The following NRXN1 variants were observed in gnomAD, a reference collection of about 807,000 sequenced individuals.
NRXN1 encodes neurexin 1, also known as neurexin-1.
Under a neutral mutation model 150.9 loss-of-function variants are expected in NRXN1, and 39 were observed. The observed-to-expected ratio is 0.26, with a 90% CI of 0.20 to 0.34. The LOEUF is 0.34. Ranked by LOEUF, NRXN1 falls within the 10% of genes least tolerant of loss-of-function variation. The pLI is 1.00. For synonymous variants in NRXN1, 924 were observed against 757.0 expected (o/e 1.22, Z -3.62); for missense variants, 1,815 against 1,949.9 (o/e 0.93, Z 1.30).
chr2:50,455,413 C>T (rs1368971546), intron 17 of NRXN1, among the ~76,000 whole-genome samples: 1 of 152,118 alleles, frequency 6.6e-6, no homozygotes, highest in Non-Finnish European at 1.5e-5. Flanking sequence ...TCATACTGCA[C>T]TCTATAGATC....
At chr2:50,792,947 C>T (rs1706265306) in intron 5 of NRXN1, among the ~76,000 whole-genome samples, 1 of 152,022 alleles carries the variant, frequency 6.6e-6, no homozygotes, top group Non-Finnish European at 1.5e-5. Context: ...GTTCTAATGT[C>T]AGTTCTTTTT....
intron 5 of NRXN1, among the ~76,000 whole-genome samples, chr2:50,652,603 A>C (rs1685804698): frequency 6.6e-6 from 1 of 152,060 alleles, no homozygotes; most frequent in African/African-American, 2.4e-5. Context: ...GTTGATGCAC[A>C]TCTGTGCTAT....
intron 19 of NRXN1, among the ~76,000 whole-genome samples, chr2:50,090,405 C>T (rs532857793): frequency 6.6e-6 from 1 of 151,852 alleles, no homozygotes; most frequent in East Asian, 1.9e-4. Flanking sequence ...TTTCTTTATA[C>T]TGTGTTATAA....
chr2:50,671,450 T>C (rs1688832688), intron 5 of NRXN1, among the ~76,000 whole-genome samples: 4 of 151,712 alleles, frequency 2.6e-5, no homozygotes, highest in Admixed American at 2.6e-4. Flanking sequence ...TTATTTTATA[T>C]TATCAATATC....
intron 8 of NRXN1, chr2:50,615,610 G>T (rs1376658755): frequency 6.6e-6 from 1 of 152,068 alleles, no homozygotes. Context: ...AAAATATTGG[G>T]ATAGAAACAC....
chr2:50,116,508 G>A (rs1295124013), intron 18 of NRXN1, among the ~76,000 whole-genome samples: 2 of 152,060 alleles, frequency 1.3e-5, no homozygotes, highest in African/African-American at 4.8e-5. Flanking sequence ...CTCTGGAAAT[G>A]TCGATGGGGT....
intron 2 of NRXN1, among the ~76,000 whole-genome samples, chr2:50,937,062 T>C (rs1415253188): frequency 5.3e-5 from 8 of 152,128 alleles, no homozygotes; most frequent in South Asian, 4.1e-4. Context: ...AAATCTAATA[T>C]ACTTTTTCTA....
At chr2:50,108,903 G>A (rs960397240) in intron 18 of NRXN1, among the ~76,000 whole-genome samples, 1 of 152,060 alleles carries the variant, frequency 6.6e-6, no homozygotes, top group South Asian at 2.1e-4. Context: ...GCTGTAAACC[G>A]AAACCACACT....
chr2:50,083,053 C>T (rs998473297), intron 19 of NRXN1, among the ~76,000 whole-genome samples: 3 of 152,178 alleles, frequency 2.0e-5, no homozygotes, highest in Non-Finnish European at 4.4e-5. Flanking sequence ...TCAGAATTGC[C>T]TGGACAATTA....
At chr2:50,594,072 G>A (rs1004123956) in intron 8 of NRXN1, among the ~76,000 whole-genome samples, 3 of 152,016 alleles carry the variant, frequency 2.0e-5, no homozygotes, top group Admixed American at 6.6e-5. Context: ...TATTTGCTTC[G>A]CCTTCCACCA....
intron 8 of NRXN1, among the ~76,000 whole-genome samples, chr2:50,590,307 A>C (rs765762155): frequency 3.3e-5 from 5 of 152,188 alleles, no homozygotes; most frequent in Non-Finnish European, 5.9e-5. Flanking sequence ...TACAATATAT[A>C]TATACATATA....
At chr2:50,493,925 C>G (rs1207487456) in intron 15 of NRXN1, among the ~76,000 whole-genome samples, 2 of 152,118 alleles carry the variant, frequency 1.3e-5, no homozygotes, top group Non-Finnish European at 2.9e-5. Flanking sequence ...TTCATACTTA[C>G]AGTGTTTTTT....
chr2:50,827,751 G>T (rs1038375826), intron 5 of NRXN1, among the ~76,000 whole-genome samples: 5 of 151,424 alleles, frequency 3.3e-5, no homozygotes, highest in African/African-American at 1.2e-4. Context: ...AGGACCCTGC[G>T]GCCTTCCGCA....
chr2:51,006,043 C>T lies in NRXN1; in HGVS notation c.772+21459G>A, dbSNP rs955857583. On this transcript the variant is annotated intron_variant, in intron 2 of 22. Coordinates refer to ENST00000401669, the MANE Select transcript of NRXN1 (RefSeq NM_001330078.2). ...TCAAAAGCTGTAAAAAGAGACAAAT[C>T]TACATTTTTTCTTGGATTTCTCGGT... Among the ~76,000 whole-genome samples, 4 of 151,504 alleles carry T rather than the reference C, an allele frequency of 2.6e-5. No individual in the cohort carries two copies. In the Admixed American group the frequency reaches 2.6e-4, roughly 10 times the overall value.
intron 21 of NRXN1, among the ~76,000 whole-genome samples, chr2:50,036,094 C>G (rs1377326092): frequency 6.6e-6 from 1 of 152,106 alleles, no homozygotes; most frequent in Non-Finnish European, 1.5e-5. Context: ...GGTTGTGTCC[C>G]TACCCAAAAT....
At chr2:50,315,232 T>C (rs1195344096) in intron 17 of NRXN1, among the ~76,000 whole-genome samples, 2 of 152,066 alleles carry the variant, frequency 1.3e-5, no homozygotes, top group African/African-American at 2.4e-5. Flanking sequence ...CAACTAAAAC[T>C]GCACAGGCAG....
rs571682421 is a variant in NRXN1, at chr2:50,570,328, C to A, written c.1321-17303G>T. On this transcript the variant is annotated intron_variant, in intron 8 of 22. Transcript: ENST00000401669. ...AAGTATACGAGGCCTTTATGCTACACAAAATGGTGGGCATTTCCATAGCAC... is the reference window on the plus strand; with the variant it reads ...AAGTATACGAGGCCTTTATGCTACAAAAAATGGTGGGCATTTCCATAGCAC... Among the ~76,000 whole-genome samples, 7 of 152,254 alleles carry A rather than the reference C, an allele frequency of 4.6e-5. No homozygotes were observed. The East Asian group carries it at 9.6e-4, about 21-fold the overall frequency.
At position 50,571,478 on chromosome 2, in the gene NRXN1, T is replaced by G. The variant is rs745774475; in HGVS notation, c.1321-18453A>C. 2.3e-4 allele frequency among the ~76,000 whole-genome samples: 35 copies of G among 152,156 alleles called. 1 individual carries two copies. The highest frequency in any genetic ancestry group is 1.9e-3 in the Admixed American group (29 of 15,268). On this transcript the variant is annotated intron_variant, in intron 8 of 22. Coordinates refer to ENST00000401669, the MANE Select transcript of NRXN1 (RefSeq NM_001330078.2). ...AAGGTCTCAGTGTATTTTTGTCTAG[T>G]GTACTATCTCTGTCCTTGTTGTTTC... is the stretch of plus-strand genomic sequence containing the variant.
intron 5 of NRXN1, among the ~76,000 whole-genome samples, chr2:50,725,362 A>T (rs1262960904): frequency 6.6e-6 from 1 of 152,050 alleles, no homozygotes; most frequent in African/African-American, 2.4e-5. Flanking sequence ...AAAACCCACA[A>T]AACTCTAATT....
Sources: allele counts gnomAD v4.1 joint callset (sites outside exome capture counted in the v4.1 genomes callset), GRCh38; gene constraint gnomAD v4.1.1; transcripts MANE v1.5; gene names NCBI Gene and HGNC (gene_info 2026-07-23, HGNC 2026-07-21).